Variants in GRAMD1A observed in about 807,000 individuals in gnomAD.
GRAMD1A encodes GRAM domain containing 1A.
GRAMD1A carries 50 observed loss-of-function variants against 92.0 expected under a neutral mutation model. The observed-to-expected ratio is 0.54, with a 90% CI of 0.43 to 0.69. The LOEUF (loss-of-function observed/expected upper bound fraction) is 0.69, where lower values mean the gene tolerates loss of function less well. Ranked by LOEUF, GRAMD1A falls within the 30% of genes least tolerant of loss-of-function variation. The pLI is 0.00. For missense variants in GRAMD1A, 819 were observed against 978.9 expected (o/e 0.84, Z 2.18); for synonymous variants, 405 against 403.6 (o/e 1.00, Z -0.04).
chr19:35,019,614 C>A, intron 13 of GRAMD1A, 81 bp downstream of exon 13: 1 of 1,350,392 alleles, frequency 7.4e-7, no homozygotes, highest in Non-Finnish European at 1.1e-6. Flanking sequence ...AGCAGCAGAG[C>A]CTTGGTTCCC....
At chr19:35,000,148 C>A (rs2014232101), upstream of GRAMD1A, 7 of 1,001,548 alleles carry the variant, frequency 7.0e-6, no homozygotes, top group South Asian at 1.9e-4. This position sits in a 1 kb window ranked among gnomAD's most constrained non-coding sequence, Gnocchi z 4.9. Context: ...TGTCTCTCTG[C>A]CCCTCTGCTT....
In GRAMD1A at chr19:35,005,090, GC is replaced by G. The variant is rs557316618; in HGVS notation, c.9-4028del. On this transcript the variant is annotated intron_variant, in intron 1 of 19. Coordinates refer to ENST00000317991, the MANE Select transcript of GRAMD1A (RefSeq NM_020895.5). ...TGCTGGAACCCAAGTTCTATGGGGG[GC>G]GGGGAAGGAGGGCCGATCACCCAGG... Among the ~76,000 whole-genome samples, 495 of 152,134 alleles carry G rather than the reference GC, an allele frequency of 3.3e-3. 10 individuals carry two copies. The highest frequency in any genetic ancestry group is 0.011 in the African/African-American group (474 of 41,494).
upstream of GRAMD1A, among the ~76,000 whole-genome samples, chr19:34,999,760 T>C (rs2151695060): frequency 6.6e-6 from 1 of 152,300 alleles, no homozygotes; most frequent in East Asian, 1.9e-4. Context: ...GAGGCTGGAT[T>C]CTGACTTGGT....
At chr19:35,011,428 C>T (rs543995024) in intron 6 of GRAMD1A, 46 bp from the exon 7 acceptor site, 22 of 1,443,556 alleles carry the variant, frequency 1.5e-5, no homozygotes, top group South Asian at 1.5e-4. Flanking sequence ...CTGTCCTGGT[C>T]GCTCCCCAAC....
Position 35,013,587 on chromosome 19 carries a change from T to C in GRAMD1A, c.766T>C (p.Ser256Pro). The C allele has an allele frequency of 6.2e-7, 1 of 1,613,258 alleles. No homozygotes were observed. The highest frequency in any genetic ancestry group is 8.5e-7 in the Non-Finnish European group (1 of 1,179,616). The change falls in exon 9 of 20, where the codon TCC (serine) becomes CCC (proline). Residue 256 changes from serine to proline, a missense_variant. Transcript: ENST00000317991. The surrounding 1 kb of genome is among the most constrained non-coding windows in gnomAD (Gnocchi z 4.9). ...TGTGATCGCCCTGAGCGACATCACC[T>C]CCTCGGGGGCAGCTGACCGCAGCCA... ...GDVIALSDIT[S>P]SGAADRSQEP...
rs2014280284 is a variant in GRAMD1A at position 35,000,546 on chromosome 19, G to T, written c.8+60G>T. ...CGCGCGGGGGAGGCCACCGGAGGGAGGGGGCGCCGCGGGCTTGGGGAGGGG... is the reference window on the plus strand; with the variant it reads ...CGCGCGGGGGAGGCCACCGGAGGGATGGGGCGCCGCGGGCTTGGGGAGGGG... On this transcript the variant is annotated intron_variant, in intron 1 of 19. Transcript: ENST00000317991. This position sits in a 1 kb window ranked among gnomAD's most constrained non-coding sequence, Gnocchi z 4.9. 8.2e-7 allele frequency: 1 copy of T among 1,224,304 alleles called. No homozygotes were observed. The allele number at this position is 1,224,304 out of a possible 1,614,324, so 75.8% of individuals were successfully genotyped here. A position where few individuals can be genotyped will look rare whatever the true frequency, so the allele number is the denominator to read the frequency against.
chr19:35,006,668 G>C (rs1200414442), intron 1 of GRAMD1A, among the ~76,000 whole-genome samples: 1 of 152,204 alleles, frequency 6.6e-6, no homozygotes, highest in African/African-American at 2.4e-5. Flanking sequence ...ACTGATGCCA[G>C]CTCCAGCCAG....
chr19:35,000,051 G>A (rs1600264648), upstream of GRAMD1A: 1 of 986,028 alleles, frequency 1.0e-6, no homozygotes, highest in South Asian at 4.7e-5. The surrounding 1 kb of genome is among the most constrained non-coding windows in gnomAD (Gnocchi z 4.9). Flanking sequence ...CCTTTTCTAG[G>A]TACTAGGGGA....
At chr19:35,023,679 A>G in intron 19 of GRAMD1A, 132 bp downstream of exon 19, 1 of 814,442 alleles carries the variant, frequency 1.2e-6, no homozygotes. Flanking sequence ...GAAGCCGCTC[A>G]GAGTCCCCAC....
chr19:35,021,934 A>G lies in GRAMD1A; in HGVS notation c.1754-17A>G, dbSNP rs1301775135. 1.2e-6 allele frequency: 2 copies of G among 1,613,656 alleles called. No individual in the cohort carries two copies. The highest frequency in any genetic ancestry group is 1.7e-6 in the Non-Finnish European group (2 of 1,179,770). On this transcript the variant is annotated splice_polypyrimidine_tract_variant and intron_variant, in intron 15 of 19. Coordinates refer to ENST00000317991, the MANE Select transcript of GRAMD1A (RefSeq NM_020895.5). This position sits in a 1 kb window ranked among gnomAD's most constrained non-coding sequence, Gnocchi z 5.3. ...GTCCTGGACTGGGCCATCTGACTCCAAGCTGCTCTCCTGCAGGCTCCCTCA... is the reference window on the plus strand; with the variant it reads ...GTCCTGGACTGGGCCATCTGACTCCGAGCTGCTCTCCTGCAGGCTCCCTCA...
intron 1 of GRAMD1A, among the ~76,000 whole-genome samples, chr19:35,007,440 C>A (rs1280604744): frequency 6.6e-6 from 1 of 152,160 alleles, no homozygotes; most frequent in Non-Finnish European, 1.5e-5. Flanking sequence ...TGCCTATGAT[C>A]CCAGCTACTG....
intron 3 of GRAMD1A, chr19:35,009,672 A>C: frequency 1.6e-6 from 1 of 636,602 alleles, no homozygotes; most frequent in Non-Finnish European, 2.8e-6. Context: ...GGCTGAAGGG[A>C]ACATTGAATG....
At chr19:34,999,739 T>C (rs962713640), upstream of GRAMD1A, among the ~76,000 whole-genome samples, 21 of 152,180 alleles carry the variant, frequency 1.4e-4, no homozygotes, top group African/African-American at 4.8e-4. Context: ...TCAGCACAGA[T>C]AAGAGCCAGG....
rs544126947 is a variant in GRAMD1A, at chr19:35,020,698, C to T, written c.1476-804C>T. Among the ~76,000 whole-genome samples the T allele has an allele frequency of 1.7e-4, 25 of 146,888 alleles. 1 individual carries two copies. In the South Asian group the frequency reaches 5.4e-3, roughly 32 times the overall value. ...AAAAAAAAAGGTGAACCAGATGTGG[C>T]TCATGGTGAAGACTTGACTTTACCT... On this transcript the variant is annotated intron_variant, in intron 13 of 19. Coordinates refer to ENST00000317991, the MANE Select transcript of GRAMD1A (RefSeq NM_020895.5).
intron 1 of GRAMD1A, among the ~76,000 whole-genome samples, chr19:35,004,914 A>G (rs556369224): frequency 6.6e-6 from 1 of 152,172 alleles, no homozygotes; most frequent in Admixed American, 6.5e-5. Context: ...ATCATACCCA[A>G]GAGGAAACTG....
upstream of GRAMD1A, among the ~76,000 whole-genome samples, chr19:34,997,388 C>CAAAAAA (rs540666102): frequency 1.4e-3 from 162 of 113,250 alleles, 1 homozygote; most frequent in African/African-American, 3.7e-3. Flanking sequence ...GCCAAAAAAA[C>CAAAAAA]AAAAAAAAAA....
At chr19:34,996,895 AACTAAT>A (rs1359881328), upstream of GRAMD1A, among the ~76,000 whole-genome samples, 1 of 151,590 alleles carries the variant, frequency 6.6e-6, no homozygotes, top group African/African-American at 2.4e-5. Flanking sequence ...AGGGCCATAA[AACTAAT>A]ACAGTGAATT....
At chr19:35,011,328 G>A (rs1052216199) in intron 6 of GRAMD1A, 146 bp from the exon 7 acceptor site, 10 of 754,704 alleles carry the variant, frequency 1.3e-5, no homozygotes, top group Admixed American at 3.8e-5. Context: ...CAGGACAGAC[G>A]TTTTGTGGAA....
rs902464874 is a variant in GRAMD1A, at chr19:35,026,197, G to A, written c.*56G>A. 2.4e-5 allele frequency: 22 copies of A among 923,172 alleles called. No homozygotes were observed. Among genetic ancestry groups the A allele is most frequent in the Admixed American group, 1.2e-4 (7 of 57,848 alleles). 57.2% of individuals were successfully genotyped at this position (923,172 alleles called of 1,614,324 possible). ...TGGACAGATGGACACACAGAGCCTCGGCGGCCACTGCTGGCACGGTGTGAG... is the reference window on the plus strand; with the variant it reads ...TGGACAGATGGACACACAGAGCCTCAGCGGCCACTGCTGGCACGGTGTGAG... On this transcript the variant is annotated 3_prime_UTR_variant, in exon 20 of 20. Transcript: ENST00000317991.
Sources: allele counts gnomAD v4.1 joint callset (sites outside exome capture counted in the v4.1 genomes callset), GRCh38; gene constraint gnomAD v4.1.1; non-coding constraint Gnocchi (gnomAD v3.1); transcripts MANE v1.5; gene names NCBI Gene and HGNC (gene_info 2026-07-23, HGNC 2026-07-21).